Variants in C1orf146 observed in about 807,000 individuals in gnomAD.
C1orf146 encodes the protein protein SPO16 homolog.
C1orf146 carries 22 observed loss-of-function variants against 23.0 expected under a neutral mutation model. The ratio of observed to expected loss-of-function variants is 0.96; its 90% CI spans 0.68 to 1.36. The LOEUF (loss-of-function observed/expected upper bound fraction) is 1.36, where lower values mean the gene tolerates loss of function less well. Ranked by LOEUF, C1orf146 falls within the 40% of genes most tolerant of loss-of-function variation. C1orf146 has a pLI of 0.00. For missense variants in C1orf146, 199 were observed against 206.8 expected (o/e 0.96, Z 0.23); for synonymous variants, 59 against 65.3 (o/e 0.90, Z 0.47).
At chr1:92,234,173 A>T (rs927657430) in intron 2 of C1orf146, among the ~76,000 whole-genome samples, 11 of 152,208 alleles carry the variant, frequency 7.2e-5, no homozygotes, top group Admixed American at 5.9e-4. Context: ...GAGAGAGGGC[A>T]TCCCTGTCTT....
At position 92,244,264 on chromosome 1, in the gene C1orf146, GAAGA is replaced by G; in HGVS notation, c.211_214del (p.Glu71TyrfsTer3). 6.2e-7 allele frequency: 1 copy of G among 1,607,396 alleles called. No homozygotes were observed. On this transcript the variant is annotated frameshift_variant, in exon 4 of 6. Transcript: ENST00000370375. LOFTEE classifies it high-confidence loss of function. ...TACTAAGGAATGTCTTCTGTCAACT[GAAGA>G]AATATTTCTAGCCAAAATTGAGAAA...
chr1:92,226,425 A>ACACACT (rs1557485860), intron 1 of C1orf146, among the ~76,000 whole-genome samples: 3 of 152,050 alleles, frequency 2.0e-5, no homozygotes, highest in Non-Finnish European at 4.4e-5. Context: ...ATACACACAC[A>ACACACT]CACACACTTG....
At chr1:92,243,484 T>C (rs766884522) in intron 3 of C1orf146, among the ~76,000 whole-genome samples, 1 of 152,180 alleles carries the variant, frequency 6.6e-6, no homozygotes, top group African/African-American at 2.4e-5. Context: ...GTAGCTGTGA[T>C]TACAGGCACA....
At chr1:92,245,389 T>C (rs1652578261) in intron 5 of C1orf146, 151 bp from the exon 6 acceptor site, 2 of 582,338 alleles carry the variant, frequency 3.4e-6, no homozygotes, top group Non-Finnish European at 5.9e-6. Context: ...AGTATTTTCC[T>C]GTTGACTACT....
chr1:92,243,591 C>G (rs1299038204), intron 3 of C1orf146, among the ~76,000 whole-genome samples: 1 of 152,144 alleles, frequency 6.6e-6, no homozygotes, highest in Non-Finnish European at 1.5e-5. Flanking sequence ...GTGATCCGCC[C>G]ACCTCGGCCT....
At chr1:92,244,133 AGTT>A (rs1367152377) in intron 3 of C1orf146, 81 bp from the exon 4 acceptor site, 2 of 762,272 alleles carry the variant, frequency 2.6e-6, no homozygotes, top group African/African-American at 1.1e-4. Flanking sequence ...TGGTATACTT[AGTT>A]ATTTTGGTTG....
At chr1:92,233,880 TG>T (rs1400222203) in intron 2 of C1orf146, among the ~76,000 whole-genome samples, 5 of 152,204 alleles carry the variant, frequency 3.3e-5, no homozygotes, top group African/African-American at 1.2e-4. Flanking sequence ...CAATTGTGAA[TG>T]GGAGTTTGCT....
chr1:92,242,198 A>G lies in C1orf146; in HGVS notation c.67-14A>G. The G allele has an allele frequency of 6.7e-7, 1 of 1,495,780 alleles. No homozygotes were observed. Among genetic ancestry groups the G allele is most frequent in the Middle Eastern group, 1.7e-4 (1 of 5,754 alleles). The allele number at this position is 1,495,780 out of a possible 1,614,324, so 92.7% of individuals were successfully genotyped here. ...CATGCCTTAAATTTGTATTTCTGAT[A>G]TTTTTTAAAAAAGAGTTATGAAGTT... On this transcript the variant is annotated splice_polypyrimidine_tract_variant and intron_variant, in intron 2 of 5. Coordinates refer to ENST00000370375, the MANE Select transcript of C1orf146 (RefSeq NM_001012425.2).
intron 2 of C1orf146, among the ~76,000 whole-genome samples, chr1:92,238,564 A>G (rs1388084746): frequency 6.6e-6 from 1 of 152,130 alleles, no homozygotes; most frequent in Non-Finnish European, 1.5e-5. Context: ...TCAGCTCTTG[A>G]ACTTACTGTT....
At chr1:92,228,897 C>T (rs1265325814) in intron 1 of C1orf146, 14 of 408,766 alleles carry the variant, frequency 3.4e-5, no homozygotes, top group East Asian at 6.6e-5. Flanking sequence ...AATTTCTTTT[C>T]GAAGGCTTAT....
rs112867262 is a variant in C1orf146 at position 92,244,456 on chromosome 1, T to A, written c.329+71T>A. The A allele has an allele frequency of 1.6e-3, 1,972 of 1,266,262 alleles. 13 individuals are homozygous for A. The African/African-American group carries it at 0.028, about 18-fold the overall frequency. 78.4% of individuals were successfully genotyped at this position (1,266,262 alleles called of 1,614,324 possible). A position where few individuals can be genotyped will look rare whatever the true frequency, so the allele number is the denominator to read the frequency against. ...TATTTCAGTTCTTAATTCTTTTAGG[T>A]AAGTTTTGTTTTGCTAGATGATGAA... On this transcript the variant is annotated intron_variant, in intron 4 of 5. Coordinates refer to ENST00000370375, the MANE Select transcript of C1orf146 (RefSeq NM_001012425.2).
chr1:92,228,213 A>G (rs1376364296), intron 1 of C1orf146, among the ~76,000 whole-genome samples: 3 of 152,062 alleles, frequency 2.0e-5, no homozygotes, highest in Non-Finnish European at 2.9e-5. Context: ...CATTTCCAGA[A>G]TTTCCATTTT....
chr1:92,245,450 G>A, intron 5 of C1orf146, 90 bp from the exon 6 acceptor site: 1 of 998,446 alleles, frequency 1.0e-6, no homozygotes, highest in Non-Finnish European at 1.5e-6. Context: ...GAGATTTGCT[G>A]AAAGAATGAA....
intron 1 of C1orf146, among the ~76,000 whole-genome samples, chr1:92,229,923 T>A (rs1489500936): frequency 1.3e-5 from 2 of 152,184 alleles, no homozygotes; most frequent in Admixed American, 1.3e-4. Context: ...GTAGCAGATT[T>A]AGAGCTCAGT....
At position 92,244,302 on chromosome 1, in the gene C1orf146, CA is replaced by C; in HGVS notation, c.247del (p.Ile83PhefsTer21). ...FLAKIEKFIN[I>X]HQNSFLVLSA... is the part of the protein sequence containing the mutation. Reference sequence around the variant, plus strand: ...TAGCCAAAATTGAGAAATTTATTAACATTCACCAAAATAGTTTTTTGGTTTT... The same window carrying C: ...TAGCCAAAATTGAGAAATTTATTAACTTCACCAAAATAGTTTTTTGGTTTT... On this transcript the variant is annotated frameshift_variant, in exon 4 of 6. Transcript: ENST00000370375. LOFTEE classifies it high-confidence loss of function. The C allele has an allele frequency of 1.2e-6, 2 of 1,610,358 alleles. No homozygotes were observed. Among genetic ancestry groups the C allele is most frequent in the Non-Finnish European group, 1.7e-6 (2 of 1,176,994 alleles).
chr1:92,235,201 TAGG>T, intron 2 of C1orf146, among the ~76,000 whole-genome samples: 1 of 152,040 alleles, frequency 6.6e-6, no homozygotes, highest in East Asian at 1.9e-4. Context: ...ATTGTGATGT[TAGG>T]GTGTCAGTTT....
chr1:92,225,174 G>A (rs1651938268), intron 1 of C1orf146, among the ~76,000 whole-genome samples: 1 of 143,744 alleles, frequency 7.0e-6, no homozygotes, highest in Non-Finnish European at 1.5e-5. Flanking sequence ...CTAGTGTGCA[G>A]TGGAGCAGTC....
intron 1 of C1orf146, chr1:92,229,501 C>T: frequency 2.3e-6 from 1 of 439,542 alleles, no homozygotes; most frequent in Admixed American, 2.8e-5. Flanking sequence ...CCCTTGTCCC[C>T]ATTCTGGACC....
At chr1:92,232,500 A>G (rs1177489636) in intron 2 of C1orf146, among the ~76,000 whole-genome samples, 1 of 151,968 alleles carries the variant, frequency 6.6e-6, no homozygotes, top group Non-Finnish European at 1.5e-5. Context: ...TTCTTAATCC[A>G]GTCTATCATT....
Sources: allele counts gnomAD v4.1 joint callset (sites outside exome capture counted in the v4.1 genomes callset), GRCh38; gene constraint gnomAD v4.1.1; transcripts MANE v1.5; gene names NCBI Gene and HGNC (gene_info 2026-07-23, HGNC 2026-07-21).